GRIP1: variants seen among roughly 807,000 people sequenced by gnomAD.
GRIP1 encodes the protein glutamate receptor interacting protein 1.
A neutral mutation model predicts 129.9 loss-of-function variants in GRIP1; 45 were observed. That is an observed-to-expected ratio of 0.35 (90% CI 0.27 to 0.44). The LOEUF (loss-of-function observed/expected upper bound fraction) is 0.44, where lower values mean the gene tolerates loss of function less well. Ranked by LOEUF, GRIP1 falls within the 20% of genes least tolerant of loss-of-function variation. GRIP1 has a pLI of 1.00. For synonymous variants in GRIP1, 530 were observed against 520.8 expected (o/e 1.02, Z -0.24); for missense variants, 1,196 against 1,396.8 (o/e 0.86, Z 2.29).
chr12:66,622,298 G>A (rs2065304070), intron 1 of GRIP1, among the ~76,000 whole-genome samples: 1 of 151,792 alleles, frequency 6.6e-6, no homozygotes, highest in African/African-American at 2.4e-5. Context: ...GAGGAAGTGG[G>A]GATGGGTAAT....
intron 19 of GRIP1, among the ~76,000 whole-genome samples, chr12:66,391,866 A>T (rs368824233): frequency 9.2e-5 from 14 of 152,126 alleles, no homozygotes; most frequent in Non-Finnish European, 1.8e-4. Context: ...GAAAAAAAAA[A>T]GTCAGGAGTG....
At chr12:66,377,757 A>G (rs1034232909) in intron 20 of GRIP1, among the ~76,000 whole-genome samples, 2 of 151,026 alleles carry the variant, frequency 1.3e-5, no homozygotes, top group Admixed American at 6.6e-5. Flanking sequence ...TATGAGCTTC[A>G]GCAGAGGGAC....
chr12:66,436,423 G>T (rs750173736), intron 13 of GRIP1, among the ~76,000 whole-genome samples: 1 of 151,876 alleles, frequency 6.6e-6, no homozygotes, highest in Non-Finnish European at 1.5e-5. Flanking sequence ...AATAACTTCA[G>T]ACTTAAAGTA....
chr12:66,762,103 T>C (rs960152161), intron 1 of GRIP1, among the ~76,000 whole-genome samples: 18 of 152,344 alleles, frequency 1.2e-4, no homozygotes, highest in Middle Eastern at 3.4e-3. Context: ...ATTAAAATAA[T>C]GGGAAAACTA....
intron 1 of GRIP1, among the ~76,000 whole-genome samples, chr12:66,983,629 A>T (rs1330129949): frequency 6.6e-6 from 1 of 152,194 alleles, no homozygotes; most frequent in Non-Finnish European, 1.5e-5. Context: ...AAAGTTTTAA[A>T]TATTTTCCCT....
chr12:66,458,679 C>T (rs965482935), intron 9 of GRIP1, among the ~76,000 whole-genome samples: 2 of 152,224 alleles, frequency 1.3e-5, no homozygotes, highest in African/African-American at 2.4e-5. Context: ...GCCACTGCGC[C>T]GGGCCTGAAT....
intron 1 of GRIP1, among the ~76,000 whole-genome samples, chr12:66,802,683 C>A (rs1264440195): frequency 1.3e-5 from 2 of 152,080 alleles, no homozygotes; most frequent in Non-Finnish European, 2.9e-5. Flanking sequence ...ATATTGACTG[C>A]AAAAAATCTG....
At chr12:66,760,968 T>C (rs1011045392) in intron 1 of GRIP1, among the ~76,000 whole-genome samples, 4 of 152,038 alleles carry the variant, frequency 2.6e-5, no homozygotes, top group African/African-American at 9.7e-5. Flanking sequence ...AACCTCCAAC[T>C]TACCACACAG....
At chr12:67,062,313 T>C (rs1035683446) in intron 1 of GRIP1, among the ~76,000 whole-genome samples, 1 of 152,242 alleles carries the variant, frequency 6.6e-6, no homozygotes, top group African/African-American at 2.4e-5. Context: ...TTATATTCTA[T>C]GCTCATAAGT....
At position 67,026,754 on chromosome 12, in the gene GRIP1, ACTC is replaced by A; in HGVS notation, c.58+42293_58+42295del. Among the ~76,000 whole-genome samples the A allele has an allele frequency of 1.3e-5, 2 of 152,196 alleles. 1 individual carries two copies. Among genetic ancestry groups the A allele is most frequent in the South Asian group, 4.2e-4 (2 of 4,812 alleles). ...TGGTCAATCTATTACAGAGGAAACA[ACTC>A]CTCAGAAGCCCCAGAAAAATGGTGA... On this transcript the variant is annotated intron_variant, in intron 1 of 1. Coordinates refer to the GRIP1 transcript ENST00000643019.
intron 1 of GRIP1, among the ~76,000 whole-genome samples, chr12:66,614,372 C>G (rs10878468): frequency 2.0e-5 from 3 of 151,966 alleles, no homozygotes; most frequent in South Asian, 2.1e-4. Flanking sequence ...AGCCCTCCCC[C>G]ACACCATAGC....
At chr12:66,974,506 C>T (rs889413098) in intron 1 of GRIP1, among the ~76,000 whole-genome samples, 3 of 151,980 alleles carry the variant, frequency 2.0e-5, no homozygotes, top group African/African-American at 7.3e-5. Context: ...CTGCATAAAT[C>T]CATATAAAAG....
intron 1 of GRIP1, among the ~76,000 whole-genome samples, chr12:67,021,307 CCAA>C (rs1287152359): frequency 1.3e-5 from 2 of 152,122 alleles, no homozygotes; most frequent in East Asian, 1.9e-4. Flanking sequence ...TTCCTGTCCC[CCAA>C]CAACAACAAA....
chr12:66,934,805 T>G (rs911861359), intron 1 of GRIP1, among the ~76,000 whole-genome samples: 1 of 152,220 alleles, frequency 6.6e-6, no homozygotes, highest in Non-Finnish European at 1.5e-5. Flanking sequence ...TGGACGATGA[T>G]GGAGGAGACA....
At chr12:66,477,202 G>A (rs887668900) in intron 7 of GRIP1, among the ~76,000 whole-genome samples, 15 of 152,080 alleles carry the variant, frequency 9.9e-5, no homozygotes, top group African/African-American at 2.7e-4. Context: ...AAATCAATGT[G>A]CAAAAATCAC....
intron 7 of GRIP1, among the ~76,000 whole-genome samples, chr12:66,506,662 C>T (rs1012090682): frequency 4.6e-5 from 7 of 152,072 alleles, no homozygotes; most frequent in East Asian, 1.9e-4. Context: ...TTTCTCTTTG[C>T]GTGTTGTACT....
chr12:66,701,315 C>T (rs150325708), intron 1 of GRIP1, among the ~76,000 whole-genome samples: 13 of 152,190 alleles, frequency 8.5e-5, no homozygotes, highest in East Asian at 1.9e-4. Context: ...CCAAGCTGCA[C>T]GAGTACTTTA....
Position 66,465,329 on chromosome 12 carries a change from C to A in GRIP1, c.818G>T (p.Cys273Phe), listed in dbSNP as rs1381854807. The change falls in exon 8 of 25, where the codon TGT (cysteine) becomes TTT (phenylalanine). Residue 273 changes from cysteine to phenylalanine, a missense_variant. By Grantham distance (205) the Cys-to-Phe change is radical. This residue lies in a region of GRIP1 where 508 missense variants were observed against 587.0 expected (regional missense o/e 0.87). Transcript: ENST00000359742. ...GTCTATGACAATGACTTGTTTGTTACAGCACATCGAGGTAGTTAGGGCAAC... is the reference window on the plus strand; with the variant it reads ...GTCTATGACAATGACTTGTTTGTTAAAGCACATCGAGGTAGTTAGGGCAAC... ...LGVALTTSMC[C>F]NKQVIVIDKI... The A allele has an allele frequency of 6.2e-7, 1 of 1,613,836 alleles. No homozygotes were observed. The highest frequency in any genetic ancestry group is 1.7e-5 in the Admixed American group (1 of 60,022).
At chr12:66,800,990 C>A (rs1306940217) in intron 1 of GRIP1, among the ~76,000 whole-genome samples, 1 of 152,126 alleles carries the variant, frequency 6.6e-6, no homozygotes, top group Admixed American at 6.6e-5. Flanking sequence ...ATTCTCCCCA[C>A]TGAGCATTCC....
Sources: gnomAD v4.1 joint callset for allele counts (sites outside exome capture counted in the v4.1 genomes callset) on GRCh38, gnomAD v4.1.1 for gene constraint, gnomAD v4.1.1 regional missense constraint, MANE v1.5 for transcripts, NCBI Gene and HGNC (gene_info 2026-07-23, HGNC 2026-07-21) for gene names.